TSHZ2: variants seen among roughly 807,000 people sequenced by gnomAD.
TSHZ2 encodes the protein teashirt zinc finger homeobox 2, also known as teashirt homolog 2.
In TSHZ2, 21 loss-of-function variants were observed where a neutral mutation model predicts 74.4. That is an observed-to-expected ratio of 0.28 (90% CI 0.20 to 0.41). The LOEUF (loss-of-function observed/expected upper bound fraction) is 0.41, where lower values mean the gene tolerates loss of function less well. Ranked by LOEUF, TSHZ2 falls within the 10% of genes least tolerant of loss-of-function variation. The probability of loss-of-function intolerance (pLI) is 1.00; values close to 1 mark genes in which losing one functional copy is unlikely to be tolerated. For missense variants in TSHZ2, 1,244 were observed against 1,293.5 expected, an observed-to-expected ratio of 0.96 and a Z score of 0.59; for synonymous variants, 540 against 515.3, an observed-to-expected ratio of 1.05 and a Z score of -0.65.
rs543461288 is a variant in TSHZ2, at chr20:53,221,473, G to T, written c.41-32026G>T. On this transcript the variant is annotated intron_variant, in intron 1 of 2. Transcript: ENST00000371497. ...AGCAGGGAATGTCCTTATCTTTCTTGTTTCTGATCAGGCTACAGGAAAATG... is the reference window on the plus strand; with the variant it reads ...AGCAGGGAATGTCCTTATCTTTCTTTTTTCTGATCAGGCTACAGGAAAATG... Among the ~76,000 whole-genome samples the T allele has an allele frequency of 2.0e-5, 3 of 152,252 alleles. No individual in the cohort carries two copies. The South Asian group carries it at 6.2e-4, about 32-fold the overall frequency.
chr20:53,379,111 G>T (rs1208798601), intron 2 of TSHZ2, among the ~76,000 whole-genome samples: 1 of 152,208 alleles, frequency 6.6e-6, no homozygotes, highest in Non-Finnish European at 1.5e-5. Flanking sequence ...GCCAGGCATG[G>T]TGGCACATGC....
chr20:53,114,743 G>A (rs1452030494), intron 1 of TSHZ2, among the ~76,000 whole-genome samples: 1 of 152,198 alleles, frequency 6.6e-6, no homozygotes, highest in Non-Finnish European at 1.5e-5. Context: ...AAATTCTTTA[G>A]AGAGGAGGTG....
At chr20:53,396,088 A>G (rs1033610896) in intron 2 of TSHZ2, among the ~76,000 whole-genome samples, 1 of 152,040 alleles carries the variant, frequency 6.6e-6, no homozygotes, top group African/African-American at 2.4e-5. Flanking sequence ...GGCGCCTGCC[A>G]CCACGCCTGG....
chr20:53,129,678 T>C (rs910444244), intron 1 of TSHZ2, among the ~76,000 whole-genome samples: 21 of 152,198 alleles, frequency 1.4e-4, no homozygotes, highest in African/African-American at 4.6e-4. Flanking sequence ...CAGGAAAATA[T>C]GCACACACAC....
intron 1 of TSHZ2, among the ~76,000 whole-genome samples, chr20:52,987,806 G>C (rs930783657): frequency 3.9e-5 from 6 of 152,056 alleles, no homozygotes; most frequent in Non-Finnish European, 8.8e-5. Flanking sequence ...TGTCTGCTTG[G>C]GAGCCAGCTG....
chr20:53,335,159 G>C (rs918751279), intron 2 of TSHZ2, among the ~76,000 whole-genome samples: 1 of 152,150 alleles, frequency 6.6e-6, no homozygotes, highest in African/African-American at 2.4e-5. Context: ...CGCCTGGACA[G>C]TTTTCTTAAA....
chr20:53,465,577 C>A (rs1025937327), intron 2 of TSHZ2, among the ~76,000 whole-genome samples: 2 of 152,060 alleles, frequency 1.3e-5, no homozygotes, highest in African/African-American at 4.8e-5. Context: ...AGCCAGAAAT[C>A]TTTATTACTA....
chr20:53,024,099 CTTATT>C (rs1203539964), intron 1 of TSHZ2, among the ~76,000 whole-genome samples: 1 of 145,816 alleles, frequency 6.9e-6, no homozygotes, highest in Non-Finnish European at 1.5e-5. Flanking sequence ...ATTCCACCCT[CTTATT>C]TTTTTTTTGA....
chr20:53,392,962 T>G (rs1298227369), intron 2 of TSHZ2, among the ~76,000 whole-genome samples: 1 of 152,026 alleles, frequency 6.6e-6, no homozygotes, highest in Non-Finnish European at 1.5e-5. Context: ...ACCTCCCGAG[T>G]AGCTGGGATT....
chr20:53,165,465 A>G (rs1988044057), intron 1 of TSHZ2, among the ~76,000 whole-genome samples: 1 of 152,152 alleles, frequency 6.6e-6, no homozygotes, highest in African/African-American at 2.4e-5. Context: ...GCGATTGAAA[A>G]TTTTCTCCTG....
chr20:53,311,463 A>G (rs976982584), intron 2 of TSHZ2, among the ~76,000 whole-genome samples: 1 of 152,208 alleles, frequency 6.6e-6, no homozygotes, highest in African/African-American at 2.4e-5. Flanking sequence ...TGCTTCAGAA[A>G]CCTTATAACA....
intron 1 of TSHZ2, among the ~76,000 whole-genome samples, chr20:53,010,824 T>A (rs1466589033): frequency 6.6e-6 from 1 of 152,162 alleles, no homozygotes; most frequent in African/African-American, 2.4e-5. Context: ...CTATTAATAT[T>A]TTTTTATTTT....
chr20:53,456,408 G>GT (rs1297794077), intron 2 of TSHZ2, among the ~76,000 whole-genome samples: 1 of 146,702 alleles, frequency 6.8e-6, no homozygotes, highest in African/African-American at 2.5e-5. Flanking sequence ...TGATGGGGTT[G>GT]TTTTTTTCTT....
chr20:53,421,920 A>C (rs1406752059), intron 2 of TSHZ2, among the ~76,000 whole-genome samples: 3 of 151,690 alleles, frequency 2.0e-5, no homozygotes, highest in Non-Finnish European at 4.4e-5. Flanking sequence ...TGACCTTGTG[A>C]TCCACCCGCC....
intron 2 of TSHZ2, among the ~76,000 whole-genome samples, chr20:53,397,476 A>G (rs894128761): frequency 3.3e-5 from 5 of 152,248 alleles, no homozygotes; most frequent in Non-Finnish European, 5.9e-5. Context: ...TCAAGAAACA[A>G]CAGGTGCTGG....
intron 1 of TSHZ2, among the ~76,000 whole-genome samples, chr20:53,093,269 C>T (rs1485286027): frequency 6.6e-6 from 1 of 152,242 alleles, no homozygotes; most frequent in Non-Finnish European, 1.5e-5. Flanking sequence ...ATGTTAGATG[C>T]TACTGTGGCT....
At chr20:53,239,887 G>A (rs1427890240) in intron 1 of TSHZ2, among the ~76,000 whole-genome samples, 2 of 152,144 alleles carry the variant, frequency 1.3e-5, no homozygotes, top group African/African-American at 4.8e-5. Flanking sequence ...TATCTAATTT[G>A]TAAAGTAACG....
intron 2 of TSHZ2, among the ~76,000 whole-genome samples, chr20:53,259,283 A>G (rs1002382660): frequency 1.3e-4 from 20 of 152,244 alleles, no homozygotes; most frequent in Admixed American, 2.6e-4. Flanking sequence ...ATGTTTTTTG[A>G]AAGACACAAC....
chr20:53,308,758 G>A (rs960055778), intron 2 of TSHZ2, among the ~76,000 whole-genome samples: 1 of 151,986 alleles, frequency 6.6e-6, no homozygotes, highest in South Asian at 2.1e-4. Flanking sequence ...CTTGGTGTTC[G>A]ACATTACTGT....
Sources: gnomAD v4.1 joint callset for allele counts (sites outside exome capture counted in the v4.1 genomes callset) on GRCh38, gnomAD v4.1.1 for gene constraint, MANE v1.5 for transcripts, NCBI Gene and HGNC (gene_info 2026-07-23, HGNC 2026-07-21) for gene names.